Variants in EIF2AK2 observed in about 807,000 individuals in gnomAD.
EIF2AK2 encodes interferon-induced, double-stranded RNA-activated protein kinase.
A neutral mutation model predicts 70.5 loss-of-function variants in EIF2AK2; 40 were observed. The ratio of observed to expected loss-of-function variants is 0.57; its 90% CI spans 0.44 to 0.74. The LOEUF (loss-of-function observed/expected upper bound fraction) is 0.74. Among genes scored for constraint, EIF2AK2 ranks in the 30% least tolerant of loss-of-function variants. The pLI is 0.00. For synonymous variants in EIF2AK2, 198 were observed against 220.9 expected (o/e 0.90, Z 0.92); for missense variants, 555 against 644.3 (o/e 0.86, Z 1.50).
intron 10 of EIF2AK2, among the ~76,000 whole-genome samples, chr2:37,129,366 G>T (rs1674861062): frequency 6.6e-6 from 1 of 152,022 alleles, no homozygotes; most frequent in African/African-American, 2.4e-5. Context: ...TGCCCAACTT[G>T]CAGTCTTTGG....
At chr2:37,136,253 T>C (rs1271618247) in intron 9 of EIF2AK2, among the ~76,000 whole-genome samples, 1 of 152,260 alleles carries the variant, frequency 6.6e-6, no homozygotes, top group Non-Finnish European at 1.5e-5. Context: ...CCATGGTTCT[T>C]GACTGCATCC....
rs144620231 is a variant in EIF2AK2, at chr2:37,139,627, G to A, written c.516+4C>T. 4.3e-5 allele frequency: 70 copies of A among 1,609,324 alleles called. No individual in the cohort carries two copies. The highest frequency in any genetic ancestry group is 5.0e-5 in the Non-Finnish European group (59 of 1,178,908). ...TAAAAATTTAATCCAAAGGCAATAC[G>A]TACCACTGAGGTTTCTTCTGATAAT... On this transcript the variant is annotated splice_donor_region_variant and intron_variant, in intron 6 of 16. Coordinates refer to ENST00000233057, the MANE Select transcript of EIF2AK2 (RefSeq NM_001135651.3).
chr2:37,153,401 T>G (rs953163485), intron 1 of EIF2AK2, among the ~76,000 whole-genome samples: 1 of 142,544 alleles, frequency 7.0e-6, no homozygotes, highest in Non-Finnish European at 1.5e-5. Context: ...AGTGCAGTGG[T>G]GTGATCACAG....
At chr2:37,149,661 T>C (rs1675675863) in intron 1 of EIF2AK2, among the ~76,000 whole-genome samples, 1 of 152,202 alleles carries the variant, frequency 6.6e-6, no homozygotes, top group Non-Finnish European at 1.5e-5. Flanking sequence ...TGTTTAAACC[T>C]AGGTTAAAAT....
At chr2:37,154,974 C>T (rs759772811) in intron 1 of EIF2AK2, among the ~76,000 whole-genome samples, 3 of 151,828 alleles carry the variant, frequency 2.0e-5, no homozygotes, top group Non-Finnish European at 2.9e-5. Context: ...GTTCTAACTT[C>T]CTCTTTTCTA....
chr2:37,142,384 C>G (rs1675365717), intron 4 of EIF2AK2, among the ~76,000 whole-genome samples: 1 of 152,148 alleles, frequency 6.6e-6, no homozygotes, highest in Admixed American at 6.6e-5. Flanking sequence ...CTGCCCGCCT[C>G]AGCCTTCCAA....
chr2:37,124,287 A>G (rs963654016), intron 11 of EIF2AK2, among the ~76,000 whole-genome samples: 4 of 150,700 alleles, frequency 2.7e-5, no homozygotes, highest in African/African-American at 9.8e-5. Flanking sequence ...TTTTGAGAAG[A>G]GTCTTGCTTT....
intron 14 of EIF2AK2, among the ~76,000 whole-genome samples, chr2:37,112,530 G>A (rs1319290295): frequency 1.3e-5 from 2 of 152,166 alleles, no homozygotes; most frequent in Non-Finnish European, 2.9e-5. Context: ...GAGTTCATTT[G>A]GAATTGTAAA....
chr2:37,154,948 T>G (rs1388314084), intron 1 of EIF2AK2, among the ~76,000 whole-genome samples: 2 of 152,064 alleles, frequency 1.3e-5, no homozygotes, highest in Non-Finnish European at 1.5e-5. Context: ...TTTTTTTTTT[T>G]TTAACCTTTT....
intron 10 of EIF2AK2, among the ~76,000 whole-genome samples, chr2:37,130,561 T>A (rs573645634): frequency 6.6e-6 from 1 of 152,226 alleles, no homozygotes; most frequent in Non-Finnish European, 1.5e-5. Flanking sequence ...TATCCTCATA[T>A]TGCAAATTCT....
rs990879439 is a variant in EIF2AK2, at chr2:37,102,538, G to A, written c.*4735C>T. On this transcript the variant is annotated 3_prime_UTR_variant, in exon 17 of 17. Coordinates refer to ENST00000233057, the MANE Select transcript of EIF2AK2 (RefSeq NM_001135651.3). ...TTAGTTAACAGATAGTAGAGACCTG[G>A]AAAAGCTTGTATGTAGCCTTTTAAA... 6.6e-6 allele frequency: 1 copy of A among 152,142 alleles called. No individual in the cohort carries two copies. The highest frequency in any genetic ancestry group is 2.4e-5 in the African/African-American group (1 of 41,426). The allele number at this position is 152,142 out of a possible 1,614,324, so 9.4% of individuals were successfully genotyped here.
intron 10 of EIF2AK2, among the ~76,000 whole-genome samples, chr2:37,130,054 T>C (rs879441242): frequency 3.9e-5 from 6 of 152,220 alleles, no homozygotes; most frequent in Non-Finnish European, 8.8e-5. Flanking sequence ...TAATGGACTA[T>C]GGGGACTCAA....
chr2:37,154,552 A>G (rs1381214690), intron 1 of EIF2AK2, among the ~76,000 whole-genome samples: 1 of 151,554 alleles, frequency 6.6e-6, no homozygotes, highest in Non-Finnish European at 1.5e-5. Context: ...CTTTTAAGAC[A>G]CCCACTCTCC....
rs1458135482 is a variant in EIF2AK2, at chr2:37,100,236, T to C, written c.*7037A>G. The C allele has an allele frequency of 6.6e-6, 1 of 152,202 alleles. No individual in the cohort carries two copies. Among genetic ancestry groups the C allele is most frequent in the Non-Finnish European group, 1.5e-5 (1 of 68,046 alleles). The allele number at this position is 152,202 out of a possible 1,614,324, so 9.4% of individuals were successfully genotyped here. A position where few individuals can be genotyped will look rare whatever the true frequency, so the allele number is the denominator to read the frequency against. On this transcript the variant is annotated 3_prime_UTR_variant, in exon 17 of 17. Coordinates refer to ENST00000233057, the MANE Select transcript of EIF2AK2 (RefSeq NM_001135651.3). ...AACTGCAGACCTGCATGGGTGGGGC[T>C]TACTCGGGAAACACTGAATATGGGA...
intron 1 of EIF2AK2, among the ~76,000 whole-genome samples, chr2:37,154,114 G>T (rs1389336427): frequency 6.6e-6 from 1 of 152,062 alleles, no homozygotes; most frequent in Non-Finnish European, 1.5e-5. Flanking sequence ...ATCACCTGAG[G>T]TCGGGACTTC....
chr2:37,149,177 T>A (rs2148714506), intron 1 of EIF2AK2, 154 bp from the exon 2 acceptor site: 1 of 1,062,474 alleles, frequency 9.4e-7, no homozygotes, highest in Non-Finnish European at 1.5e-6. Flanking sequence ...TTTAGGATGT[T>A]TCTATGCTTG....
chr2:37,155,388 T>C (rs888095761), intron 1 of EIF2AK2, among the ~76,000 whole-genome samples: 4 of 152,170 alleles, frequency 2.6e-5, no homozygotes, highest in Non-Finnish European at 5.9e-5. Flanking sequence ...TACCAAAATA[T>C]CTCCAGATAC....
chr2:37,147,490 G>A (rs1047011005), intron 3 of EIF2AK2, among the ~76,000 whole-genome samples, 198 bp downstream of exon 3: 2 of 124,564 alleles, frequency 1.6e-5, no homozygotes, highest in Non-Finnish European at 3.2e-5. Flanking sequence ...AGTCCCTGGT[G>A]TGTGATGTTC....
intron 4 of EIF2AK2, among the ~76,000 whole-genome samples, chr2:37,143,212 G>C (rs1480646520): frequency 8.3e-6 from 1 of 120,004 alleles, no homozygotes; most frequent in Admixed American, 9.9e-5. Flanking sequence ...AACAGAGCGA[G>C]ACTCTGTCTC....
Sources: gnomAD v4.1 joint callset for allele counts (sites outside exome capture counted in the v4.1 genomes callset) on GRCh38, gnomAD v4.1.1 for gene constraint, MANE v1.5 for transcripts, NCBI Gene and HGNC (gene_info 2026-07-23, HGNC 2026-07-21) for gene names.